PCDHGB3: variants seen among roughly 807,000 people sequenced by gnomAD.
PCDHGB3 encodes the protein protocadherin gamma-B3.
In PCDHGB3, 40 loss-of-function variants were observed where a neutral mutation model predicts 59.2. The observed-to-expected ratio is 0.68, with a 90% CI of 0.52 to 0.88. The LOEUF (loss-of-function observed/expected upper bound fraction) is 0.88, where lower values mean the gene tolerates loss of function less well. Ranked by LOEUF, PCDHGB3 falls within the 40% of genes least tolerant of loss-of-function variation. The probability of loss-of-function intolerance (pLI) is 0.00; values close to 1 mark genes in which losing one functional copy is unlikely to be tolerated. For missense variants in PCDHGB3, 1,309 were observed against 1,187.9 expected (o/e 1.10, Z -1.50); for synonymous variants, 581 against 503.6 (o/e 1.15, Z -2.06).
At chr5:141,395,521 T>C in intron 1 of PCDHGB3, 1 of 388,366 alleles carries the variant, frequency 2.6e-6, no homozygotes, top group East Asian at 5.0e-5. Context: ...TACCCGTCCA[T>C]ACTGGTAATT....
At chr5:141,378,725 T>C (rs999480102) in intron 1 of PCDHGB3, 1 of 152,206 alleles carries the variant, frequency 6.6e-6, no homozygotes, top group Admixed American at 6.5e-5. Flanking sequence ...ATAGGAACTC[T>C]TTATTGAAAT....
intron 2 of PCDHGB3, among the ~76,000 whole-genome samples, chr5:141,499,689 C>CTTTTTTT (rs545067566): frequency 3.3e-5 from 4 of 119,856 alleles, no homozygotes; most frequent in Admixed American, 8.7e-5. Context: ...TAACAGATGA[C>CTTTTTTT]TTTTTTTTTT....
rs1312182657 is a variant in PCDHGB3 at position 141,406,777 on chromosome 5, CTT to C, written c.2415+33969_2415+33970del. Among the ~76,000 whole-genome samples the C allele has an allele frequency of 2.0e-5, 3 of 152,268 alleles. No individual in the cohort carries two copies. The East Asian group carries it at 5.8e-4, about 29-fold the overall frequency. On this transcript the variant is annotated intron_variant, in intron 1 of 3. Coordinates refer to ENST00000576222, the MANE Select transcript of PCDHGB3 (RefSeq NM_018924.5). ...CAAGGAATTAAAAATATTTCTCTCA[CTT>C]ATATATTATTTCTGGCTCAATTCTC...
chr5:141,458,633 A>C (rs548586597), intron 1 of PCDHGB3, among the ~76,000 whole-genome samples: 12 of 151,884 alleles, frequency 7.9e-5, no homozygotes, highest in Non-Finnish European at 1.5e-4. Flanking sequence ...GCAGTGGCAC[A>C]ATCCCAGCTC....
chr5:141,409,883 C>T lies in PCDHGB3; in HGVS notation c.2415+37074C>T, dbSNP rs530193346. 1.2e-6 allele frequency: 2 copies of T among 1,612,988 alleles called. No individual in the cohort carries two copies. The highest frequency in any genetic ancestry group is 3.3e-5 in the Admixed American group (2 of 59,964). ...GGGAGACCGCAATGACAACGCACCGCGGGTGCTGTACCCAGCTCTGGGTCC... is the reference window on the plus strand; with the variant it reads ...GGGAGACCGCAATGACAACGCACCGTGGGTGCTGTACCCAGCTCTGGGTCC... On this transcript the variant is annotated intron_variant, in intron 1 of 3. Transcript: ENST00000576222.
intron 1 of PCDHGB3, chr5:141,422,118 ACAAACTGGAGAAGTT>A (rs1243312753): frequency 6.2e-7 from 1 of 1,604,312 alleles, no homozygotes; most frequent in Non-Finnish European, 8.5e-7. Flanking sequence ...AATTGGATTC[ACAAACTGGAGAAGTT>A]CAAGTACGGG....
At chr5:141,414,870 G>T in intron 1 of PCDHGB3, 1 of 1,614,224 alleles carries the variant, frequency 6.2e-7, no homozygotes, top group Non-Finnish European at 8.5e-7. Flanking sequence ...ATGCGCCCGA[G>T]ATCCTGTACC....
intron 1 of PCDHGB3, among the ~76,000 whole-genome samples, chr5:141,444,838 T>G (rs2098448876): frequency 6.6e-6 from 1 of 152,214 alleles, no homozygotes; most frequent in African/African-American, 2.4e-5. Context: ...AGCTTTATAG[T>G]AAGTCTTGCT....
rs1230185523 is a variant in PCDHGB3, at chr5:141,413,155, G to C, written c.2415+40346G>C. 10 of 1,576,552 alleles carry C rather than the reference G, an allele frequency of 6.3e-6. No individual in the cohort carries two copies. The South Asian group carries it at 1.2e-4, about 18-fold the overall frequency. ...CAACGTGTCCAGTGAGGACTTTGCA[G>C]AATTCTGTAACCAGACTACAATGGC... On this transcript the variant is annotated intron_variant, in intron 1 of 3. Coordinates refer to ENST00000576222, the MANE Select transcript of PCDHGB3 (RefSeq NM_018924.5).
chr5:141,383,984 T>C, intron 1 of PCDHGB3: 1 of 1,613,834 alleles, frequency 6.2e-7, no homozygotes, highest in African/African-American at 1.3e-5. Context: ...GACACACCTC[T>C]TGGGACAGTC....
intron 1 of PCDHGB3, among the ~76,000 whole-genome samples, chr5:141,429,386 T>TA (rs1561841076): frequency 9.9e-5 from 15 of 151,936 alleles, no homozygotes; most frequent in South Asian, 8.3e-4. Flanking sequence ...TGTTTTTTTT[T>TA]TAAAAAAAAT....
chr5:141,381,977 G>A lies in PCDHGB3; in HGVS notation c.2415+9168G>A, dbSNP rs61025717. Among the ~76,000 whole-genome samples, 1,494 of 151,364 alleles carry A rather than the reference G, an allele frequency of 9.9e-3. 24 individuals are homozygous for A. The highest frequency in any genetic ancestry group is 0.034 in the African/African-American group (1,395 of 41,190). On this transcript the variant is annotated intron_variant, in intron 1 of 3. Coordinates refer to ENST00000576222, the MANE Select transcript of PCDHGB3 (RefSeq NM_018924.5). ...CCTGAGTAGCTGGGATTACAGGCGC[G>A]CGCCACCACGCCCGGATAATTTTGT...
At chr5:141,478,570 G>T (rs1255499966) in intron 1 of PCDHGB3, 1 of 1,590,156 alleles carries the variant, frequency 6.3e-7, no homozygotes, top group Admixed American at 1.8e-5. Context: ...AGTCATGCTT[G>T]ACCCTGTTAG....
At chr5:141,410,366 G>A (rs3749767) in intron 1 of PCDHGB3, 379,797 of 1,613,758 alleles carry the variant, frequency 0.24, 48,670 homozygotes, top group African/African-American at 0.5. Context: ...TCTCAGCCCT[G>A]CTACTTGGGA....
chr5:141,456,641 G>A (rs2098873674), intron 1 of PCDHGB3, among the ~76,000 whole-genome samples: 1 of 152,160 alleles, frequency 6.6e-6, no homozygotes, highest in South Asian at 2.1e-4. Context: ...TACTACAGGT[G>A]TTAATCCCAA....
At position 141,491,884 on chromosome 5, in the gene PCDHGB3, G is replaced by A. The variant is rs745931108; in HGVS notation, c.2416-2923G>A. The A allele has an allele frequency of 2.8e-6, 4 of 1,446,372 alleles. No homozygotes were observed. The highest frequency in any genetic ancestry group is 2.9e-5 in the Admixed American group (1 of 34,718). 89.6% of individuals were successfully genotyped at this position (1,446,372 alleles called of 1,614,324 possible). ...AACCAGAGTGGCCGATTAAGGGATG[G>A]GGCTCCGAGCACCGGGGGTGGTGGC... On this transcript the variant is annotated intron_variant, in intron 1 of 3. Coordinates refer to ENST00000576222, the MANE Select transcript of PCDHGB3 (RefSeq NM_018924.5). This position sits in a 1 kb window ranked among gnomAD's most constrained non-coding sequence, Gnocchi z 6.9.
intron 1 of PCDHGB3, among the ~76,000 whole-genome samples, chr5:141,468,130 G>C (rs1312004369): frequency 6.6e-6 from 1 of 151,878 alleles, no homozygotes; most frequent in Admixed American, 6.6e-5. Context: ...TTTGAGACCA[G>C]CCTGGCCAAC....
intron 1 of PCDHGB3, chr5:141,428,444 T>C (rs2097139811): frequency 5.3e-6 from 2 of 379,264 alleles, no homozygotes; most frequent in Non-Finnish European, 1.0e-5. Context: ...AGACCAGGGG[T>C]TTTTCCCAAC....
In PCDHGB3 at chr5:141,476,928, T is replaced by C. The variant is rs1279715094; in HGVS notation, c.2416-17879T>C. 6.2e-7 allele frequency: 1 copy of C among 1,614,142 alleles called. No individual in the cohort carries two copies. The highest frequency in any genetic ancestry group is 2.2e-5 in the East Asian group (1 of 44,868). On this transcript the variant is annotated intron_variant, in intron 1 of 3. Transcript: ENST00000576222. This position sits in a 1 kb window ranked among gnomAD's most constrained non-coding sequence, Gnocchi z 7.6. ...GTGGTACAAGTCCTTGCAACGGATC[T>C]GGATGAAGGCCCCAACGGTGAAATT...
Sources: gnomAD v4.1 joint callset for allele counts (sites outside exome capture counted in the v4.1 genomes callset) on GRCh38, gnomAD v4.1.1 for gene constraint, Gnocchi (gnomAD v3.1) non-coding constraint, MANE v1.5 for transcripts, NCBI Gene and HGNC (gene_info 2026-07-23, HGNC 2026-07-21) for gene names.